KHDRBS2: variants seen among roughly 807,000 people sequenced by gnomAD.
KHDRBS2 encodes the protein KH domain-containing, RNA-binding, signal transduction-associated protein 2.
KHDRBS2 carries 26 observed loss-of-function variants against 44.3 expected under a neutral mutation model. The ratio of observed to expected loss-of-function variants is 0.59; its 90% CI spans 0.43 to 0.81. The LOEUF (loss-of-function observed/expected upper bound fraction) is 0.81, where lower values mean the gene tolerates loss of function less well. Ranked by LOEUF, KHDRBS2 falls within the 40% of genes least tolerant of loss-of-function variation. The pLI, the probability that KHDRBS2 is intolerant of heterozygous loss-of-function variation, is 0.00. For synonymous variants in KHDRBS2, 194 were observed against 151.1 expected (o/e 1.28, Z -2.08); for missense variants, 476 against 433.1 (o/e 1.10, Z -0.88).
intron 6 of KHDRBS2, among the ~76,000 whole-genome samples, chr6:61,835,710 CGTGTGTGT>C (rs3078000): frequency 2.7e-5 from 4 of 145,476 alleles, no homozygotes; most frequent in African/African-American, 1.0e-4. Flanking sequence ...TTGATGTGTG[CGTGTGTGT>C]GTGTGTGTGT....
the KHDRBS2 span, among the ~76,000 whole-genome samples, chr6:61,559,745 T>A: frequency 6.6e-6 from 1 of 152,210 alleles, no homozygotes; most frequent in Admixed American, 6.5e-5. Context: ...TTTTTGTTGT[T>A]TCTCTTCATA....
rs79642005 is a variant in KHDRBS2 at position 61,992,624 on chromosome 6, C to T, written c.337-14412G>A. Among the ~76,000 whole-genome samples the T allele has an allele frequency of 3.4e-4, 51 of 152,072 alleles. No individual in the cohort carries two copies. In the East Asian group the frequency reaches 7.6e-3, roughly 23 times the overall value. ...GTGTGTGTGTGTTTGTGCGCGCGTG[C>T]GCACGCTTATATGTGTAACCAGAGT... On this transcript the variant is annotated intron_variant, in intron 3 of 8. Transcript: ENST00000281156.
At chr6:61,969,470 T>C (rs1770856477) in intron 4 of KHDRBS2, among the ~76,000 whole-genome samples, 1 of 152,082 alleles carries the variant, frequency 6.6e-6, no homozygotes, top group Non-Finnish European at 1.5e-5. Flanking sequence ...TAGTTTTAAC[T>C]GAAATCTTAT....
chr6:61,588,005 A>G, the KHDRBS2 span, among the ~76,000 whole-genome samples: 3 of 152,332 alleles, frequency 2.0e-5, no homozygotes, highest in South Asian at 6.2e-4. Context: ...TAGTTCATTT[A>G]ATTGACAGAT....
At chr6:62,272,283 C>T (rs1257409069) in intron 1 of KHDRBS2, among the ~76,000 whole-genome samples, 1 of 152,060 alleles carries the variant, frequency 6.6e-6, no homozygotes, top group South Asian at 2.1e-4. Context: ...ATGATGAAAT[C>T]GCCTAATGAC....
intron 4 of KHDRBS2, among the ~76,000 whole-genome samples, chr6:61,910,602 T>C (rs922565726): frequency 6.6e-6 from 1 of 152,198 alleles, no homozygotes; most frequent in African/African-American, 2.4e-5. Context: ...TGCAGGAAGA[T>C]TGGAAAGGCT....
intron 2 of KHDRBS2, among the ~76,000 whole-genome samples, chr6:62,106,823 C>T (rs966634308): frequency 6.6e-6 from 1 of 152,014 alleles, no homozygotes; most frequent in East Asian, 1.9e-4. Flanking sequence ...AGCATATAAA[C>T]AGAACCAAAG....
chr6:62,020,391 C>A (rs1423643593), intron 3 of KHDRBS2, among the ~76,000 whole-genome samples: 1 of 151,974 alleles, frequency 6.6e-6, no homozygotes, highest in East Asian at 1.9e-4. Flanking sequence ...GTTCTATGTG[C>A]ACTTGAGAAA....
intron 2 of KHDRBS2, among the ~76,000 whole-genome samples, chr6:62,150,302 GAAAAA>G (rs5876783): frequency 6.8e-6 from 1 of 146,384 alleles, no homozygotes; most frequent in Non-Finnish European, 1.5e-5. Flanking sequence ...AGAGATTGTG[GAAAAA>G]AAAAAAAAGT....
chr6:61,651,398 A>G, the KHDRBS2 span, among the ~76,000 whole-genome samples: 72 of 152,212 alleles, frequency 4.7e-4, no homozygotes, highest in African/African-American at 1.7e-3. Context: ...GCCTGAAAGT[A>G]ATTTTATTTT....
chr6:61,791,196 C>T (rs1484470522), intron 6 of KHDRBS2, among the ~76,000 whole-genome samples: 9 of 151,036 alleles, frequency 6.0e-5, no homozygotes, highest in South Asian at 2.1e-4. Flanking sequence ...GATCAACTTC[C>T]GGCTCTGTTT....
chr6:61,918,825 T>A (rs555618108), intron 4 of KHDRBS2, among the ~76,000 whole-genome samples: 2 of 151,980 alleles, frequency 1.3e-5, no homozygotes, highest in African/African-American at 4.8e-5. Context: ...GTGTTTGACA[T>A]GCATGTAAAA....
At chr6:62,105,516 G>A (rs1802996226) in intron 2 of KHDRBS2, among the ~76,000 whole-genome samples, 2 of 152,128 alleles carry the variant, frequency 1.3e-5, no homozygotes, top group Non-Finnish European at 2.9e-5. Flanking sequence ...GAGGGTGTAT[G>A]TGTCGAGGAA....
chr6:61,608,789 T>C, the KHDRBS2 span, among the ~76,000 whole-genome samples: 4 of 152,334 alleles, frequency 2.6e-5, no homozygotes, highest in South Asian at 8.3e-4. Flanking sequence ...TATGGCTGCA[T>C]GGTATTCCAT....
At chr6:61,749,009 C>CTTTTTTTTTTTTTTTTTTTTTTTT (rs34423906) in intron 6 of KHDRBS2, among the ~76,000 whole-genome samples, 5 of 97,222 alleles carry the variant, frequency 5.1e-5, no homozygotes, top group African/African-American at 8.2e-5. Context: ...TTCTTTCTTT[C>CTTTTTTTTTTTTTTTTTTTTTTTT]TTTTTTTTTT....
intron 6 of KHDRBS2, among the ~76,000 whole-genome samples, chr6:61,767,830 T>C (rs533251617): frequency 6.6e-6 from 1 of 152,302 alleles, no homozygotes; most frequent in East Asian, 1.9e-4. Flanking sequence ...CTTATTGTAC[T>C]GTCTGTGTCT....
intron 7 of KHDRBS2, among the ~76,000 whole-genome samples, chr6:61,725,326 G>T (rs560286997): frequency 1.3e-5 from 2 of 152,202 alleles, no homozygotes; most frequent in South Asian, 4.1e-4. Context: ...AGTAATAAAT[G>T]CCCATATGTA....
At position 62,107,064 on chromosome 6, in the gene KHDRBS2, T is replaced by G. The variant is rs1034834731; in HGVS notation, c.220-59070A>C. Among the ~76,000 whole-genome samples the G allele has an allele frequency of 2.4e-4, 36 of 152,100 alleles. No homozygotes were observed. In the East Asian group the frequency reaches 3.5e-3, roughly 15 times the overall value. On this transcript the variant is annotated intron_variant, in intron 2 of 8. Transcript: ENST00000281156. ...GGGATGCCCTCTCTCACCACTCCTATTCAACATAGTGTTGGAAGTTCTGGC... is the reference window on the plus strand; with the variant it reads ...GGGATGCCCTCTCTCACCACTCCTAGTCAACATAGTGTTGGAAGTTCTGGC...
chr6:62,195,035 C>T (rs1825395115), intron 1 of KHDRBS2, among the ~76,000 whole-genome samples: 2 of 151,994 alleles, frequency 1.3e-5, no homozygotes, highest in South Asian at 4.1e-4. Context: ...ATCATCTTAA[C>T]AATATTTAGT....
Sources: allele counts gnomAD v4.1 joint callset (sites outside exome capture counted in the v4.1 genomes callset), GRCh38; gene constraint gnomAD v4.1.1; transcripts MANE v1.5; gene names NCBI Gene and HGNC (gene_info 2026-07-23, HGNC 2026-07-21).